Variants in SCNN1B observed in about 807,000 individuals in gnomAD.
SCNN1B encodes the protein sodium channel epithelial 1 subunit beta.
SCNN1B carries 46 observed loss-of-function variants against 65.3 expected under a neutral mutation model. The observed-to-expected ratio is 0.70, with a 90% CI of 0.56 to 0.90. SCNN1B has a LOEUF of 0.90. Ranked by LOEUF, SCNN1B falls within the 40% of genes least tolerant of loss-of-function variation. The pLI is 0.00. For synonymous variants in SCNN1B, 349 were observed against 330.6 expected (o/e 1.06, Z -0.60); for missense variants, 751 against 830.5 (o/e 0.90, Z 1.18).
In SCNN1B at chr16:23,371,843, A is replaced by G. The variant is rs144780745; in HGVS notation, c.1112A>G (p.Gln371Arg). ...GTGAATGGTTCTGAGGTCCCCGTCC[A>G]AAACTTCTACAGTGACTACAACACG... ...CTVNGSEVPV[Q>R]NFYSDYNTTY... is the part of the protein sequence containing the mutation. The change falls in exon 7 of 13, where the codon CAA (glutamine) becomes CGA (arginine). Residue 371 changes from glutamine to arginine, a missense_variant. Coordinates refer to ENST00000343070, the MANE Select transcript of SCNN1B (RefSeq NM_000336.3). The G allele has an allele frequency of 1.9e-6, 3 of 1,614,066 alleles. No homozygotes were observed. Among genetic ancestry groups the G allele is most frequent in the South Asian group, 2.2e-5 (2 of 91,088 alleles).
At position 23,353,854 on chromosome 16, in the gene SCNN1B, G is replaced by A. The variant is rs530895898; in HGVS notation, c.585+780G>A. 2.6e-5 allele frequency among the ~76,000 whole-genome samples: 4 copies of A among 152,328 alleles called. No homozygotes were observed. The East Asian group carries it at 7.7e-4, about 29-fold the overall frequency. The stretch of plus-strand genomic sequence containing the variant: ...TCTTAAGCCTAGAAGTGGGGAGAAG[G>A]TCCCCTGCCCGTGTCTCAGGATCTC... On this transcript the variant is annotated intron_variant, in intron 3 of 12. Coordinates refer to ENST00000343070, the MANE Select transcript of SCNN1B (RefSeq NM_000336.3).
chr16:23,332,853 G>A (rs1190884264), intron 1 of SCNN1B, among the ~76,000 whole-genome samples: 1 of 151,960 alleles, frequency 6.6e-6, no homozygotes. Flanking sequence ...AGTGGATTAC[G>A]AGGTCAGGAG....
At position 23,380,046 on chromosome 16, in the gene SCNN1B, T is replaced by C; in HGVS notation, c.1467-48T>C. The C allele has an allele frequency of 7.1e-7, 1 of 1,403,704 alleles. No homozygotes were observed. The highest frequency in any genetic ancestry group is 1.0e-6 in the Non-Finnish European group (1 of 988,460). 87.0% of individuals were successfully genotyped at this position (1,403,704 alleles called of 1,614,324 possible). A position where few individuals can be genotyped will look rare whatever the true frequency, so the allele number is the denominator to read the frequency against. On this transcript the variant is annotated intron_variant, in intron 11 of 12. Coordinates refer to ENST00000343070, the MANE Select transcript of SCNN1B (RefSeq NM_000336.3). The surrounding 1 kb of genome is among the most constrained non-coding windows in gnomAD (Gnocchi z 5.4). ...TGTGCGTGTGTGTGTGTCTGTCTGT[T>C]TGGAAGGGGGATACATTAGTCCCGG... is the stretch of plus-strand genomic sequence containing the variant.
chr16:23,360,072 T>A (rs908221837), intron 4 of SCNN1B, among the ~76,000 whole-genome samples: 3 of 151,952 alleles, frequency 2.0e-5, no homozygotes. Context: ...GTGCAGTGGC[T>A]CACGCCTATA....
chr16:23,295,678 A>T (rs548250992), intron 2 of SCNN1B, among the ~76,000 whole-genome samples: 11 of 152,022 alleles, frequency 7.2e-5, no homozygotes, highest in Non-Finnish European at 1.6e-4. Flanking sequence ...CTTTTTTATT[A>T]CCTCAGAGAA....
Position 23,312,810 on chromosome 16 carries a change from C to T in SCNN1B, c.-9+10373C>T, listed in dbSNP as rs140948342. The stretch of plus-strand genomic sequence containing the variant: ...CTTGGCACCAGATGATAGAGAGTGG[C>T]GCCATCCTGGCCACAGGATGGTGAG... On this transcript the variant is annotated intron_variant, in intron 1 of 12. Transcript: ENST00000343070. Among the ~76,000 whole-genome samples the T allele has an allele frequency of 5.8e-4, 89 of 152,222 alleles. 1 individual carries two copies. In the East Asian group the frequency reaches 0.017, roughly 28 times the overall value.
intron 1 of SCNN1B, among the ~76,000 whole-genome samples, chr16:23,281,097 T>A (rs924599899): frequency 1.3e-5 from 2 of 152,216 alleles, no homozygotes; most frequent in Non-Finnish European, 2.9e-5. Context: ...GATTTTCTCA[T>A]CTGGAAAATG....
At chr16:23,355,664 C>T (rs1962405733) in intron 4 of SCNN1B, among the ~76,000 whole-genome samples, 175 bp downstream of exon 4, 1 of 152,130 alleles carries the variant, frequency 6.6e-6, no homozygotes, top group African/African-American at 2.4e-5. Context: ...GGAGGCAGAG[C>T]CTGAGGCAGG....
chr16:23,347,020 C>T (rs1035606002), intron 1 of SCNN1B, among the ~76,000 whole-genome samples: 1 of 152,018 alleles, frequency 6.6e-6, no homozygotes, highest in Admixed American at 6.6e-5. Flanking sequence ...CAGAAATTTC[C>T]CAGGAGTTCG....
chr16:23,356,635 A>G lies in SCNN1B; in HGVS notation c.776+1146A>G, dbSNP rs1019701342. The stretch of plus-strand genomic sequence containing the variant: ...TGAGACCCTGTCTCTTAAAAAAAAA[A>G]AACAAAAAACAAAAAAACACGAGGT... On this transcript the variant is annotated intron_variant, in intron 4 of 12. Transcript: ENST00000343070. 2.8e-4 allele frequency among the ~76,000 whole-genome samples: 42 copies of G among 152,266 alleles called. No homozygotes were observed. In the East Asian group the frequency reaches 7.1e-3, roughly 26 times the overall value.
rs571491722 is a variant in SCNN1B at position 23,356,631 on chromosome 16, A to C, written c.776+1142A>C. 2.8e-3 allele frequency among the ~76,000 whole-genome samples: 422 copies of C among 152,268 alleles called. 2 individuals carry two copies. The highest frequency in any genetic ancestry group is 9.0e-3 in the African/African-American group (374 of 41,558). On this transcript the variant is annotated intron_variant, in intron 4 of 12. Transcript: ENST00000343070. ...AGAATGAGACCCTGTCTCTTAAAAA[A>C]AAAAAACAAAAAACAAAAAAACACG...
At chr16:23,324,822 A>G (rs1474824210) in intron 1 of SCNN1B, among the ~76,000 whole-genome samples, 1 of 152,168 alleles carries the variant, frequency 6.6e-6, no homozygotes. Context: ...CTGGCTGTCA[A>G]CACACACCAC....
At chr16:23,279,535 CAGAT>C (rs750567516) in intron 1 of SCNN1B, among the ~76,000 whole-genome samples, 2 of 152,156 alleles carry the variant, frequency 1.3e-5, no homozygotes, top group Admixed American at 6.6e-5. Context: ...GTCAAGGACA[CAGAT>C]AGATGTGCTT....
intron 1 of SCNN1B, among the ~76,000 whole-genome samples, chr16:23,304,310 C>T (rs995660701): frequency 5.4e-5 from 8 of 149,464 alleles, no homozygotes; most frequent in African/African-American, 1.2e-4. Context: ...CAAGCACACA[C>T]GGGCACACAT....
intron 1 of SCNN1B, among the ~76,000 whole-genome samples, chr16:23,319,940 G>A (rs1260995641): frequency 2.0e-5 from 3 of 152,032 alleles, no homozygotes; most frequent in Non-Finnish European, 2.9e-5. Context: ...ACTAATTTTT[G>A]TATTTTTTTG....
At chr16:23,331,168 G>T (rs1469198042) in intron 1 of SCNN1B, among the ~76,000 whole-genome samples, 1 of 152,146 alleles carries the variant, frequency 6.6e-6, no homozygotes, top group Non-Finnish European at 1.5e-5. Context: ...CACACAACTT[G>T]CTCACCCTCC....
chr16:23,291,513 T>C (rs968366809), intron 2 of SCNN1B, among the ~76,000 whole-genome samples: 2 of 151,484 alleles, frequency 1.3e-5, no homozygotes, highest in African/African-American at 4.9e-5. Context: ...TAGGTATACA[T>C]ACCCATTAAA....
At chr16:23,365,397 GGAAAGAAAAGAGA>G (rs939897211) in intron 4 of SCNN1B, among the ~76,000 whole-genome samples, 3 of 130,848 alleles carry the variant, frequency 2.3e-5, no homozygotes, top group Middle Eastern at 4.0e-3. Flanking sequence ...GGAAGGAAAA[GGAAAGAAAAGAGA>G]GAAAGAAAGA....
At chr16:23,329,751 T>C (rs1026030876) in intron 1 of SCNN1B, among the ~76,000 whole-genome samples, 2 of 152,204 alleles carry the variant, frequency 1.3e-5, no homozygotes, top group African/African-American at 2.4e-5. Context: ...TTATTGCATC[T>C]TTTTTTCCAT....
Sources: gnomAD v4.1 joint callset for allele counts (sites outside exome capture counted in the v4.1 genomes callset) on GRCh38, gnomAD v4.1.1 for gene constraint, Gnocchi (gnomAD v3.1) non-coding constraint, MANE v1.5 for transcripts, NCBI Gene and HGNC (gene_info 2026-07-23, HGNC 2026-07-21) for gene names.